Variants in DTWD2 observed in about 807,000 individuals in gnomAD.
DTWD2 encodes tRNA-uridine aminocarboxypropyltransferase 2.
In DTWD2, 39 loss-of-function variants were observed where a neutral mutation model predicts 31.8. The ratio of observed to expected loss-of-function variants is 1.22; its 90% CI spans 0.95 to 1.60. The LOEUF (loss-of-function observed/expected upper bound fraction) is 1.60. Ranked by LOEUF, DTWD2 falls within the 40% of genes most tolerant of loss-of-function variation. The pLI, the probability that DTWD2 is intolerant of heterozygous loss-of-function variation, is 0.00. For missense variants in DTWD2, 515 were observed against 381.5 expected (o/e 1.35, Z -2.92); for synonymous variants, 180 against 142.8 (o/e 1.26, Z -1.86).
intron 2 of DTWD2, among the ~76,000 whole-genome samples, chr5:118,939,731 G>C (rs1754139150): frequency 6.6e-6 from 1 of 152,066 alleles, no homozygotes; most frequent in Non-Finnish European, 1.5e-5. Flanking sequence ...TCCCAGCATA[G>C]CCTCTTTACT....
chr5:118,902,746 T>G (rs913274695), intron 4 of DTWD2, among the ~76,000 whole-genome samples: 1 of 152,140 alleles, frequency 6.6e-6, no homozygotes, highest in South Asian at 2.1e-4. Context: ...GGAACTCATA[T>G]AGCAATTTTT....
chr5:118,915,199 C>T (rs1479661622), intron 4 of DTWD2, among the ~76,000 whole-genome samples: 1 of 151,838 alleles, frequency 6.6e-6, no homozygotes, highest in Non-Finnish European at 1.5e-5. Context: ...CTGGGCAACA[C>T]AGTGAGACTC....
intron 4 of DTWD2, among the ~76,000 whole-genome samples, chr5:118,861,863 G>A (rs1752267519): frequency 6.6e-6 from 1 of 152,216 alleles, no homozygotes; most frequent in South Asian, 2.1e-4. Flanking sequence ...ACTCTGCTGA[G>A]GGAGGTAACA....
chr5:118,936,644 A>T (rs1288518949), intron 3 of DTWD2, among the ~76,000 whole-genome samples: 1 of 150,330 alleles, frequency 6.7e-6, no homozygotes, highest in Non-Finnish European at 1.5e-5. Context: ...ATCTCAATTT[A>T]TTTTTTTTTT....
intron 4 of DTWD2, among the ~76,000 whole-genome samples, chr5:118,898,119 C>A (rs1753121772): frequency 6.6e-6 from 1 of 152,096 alleles, no homozygotes. Flanking sequence ...CCTGCCTTGA[C>A]CTCCCAAAGT....
At chr5:118,959,875 G>A (rs1186744668) in intron 1 of DTWD2, among the ~76,000 whole-genome samples, 1 of 152,244 alleles carries the variant, frequency 6.6e-6, no homozygotes, top group African/African-American at 2.4e-5. Flanking sequence ...ATGGTGCTGG[G>A]ATAAGTAGCT....
At chr5:118,923,610 C>G (rs1461178437) in intron 4 of DTWD2, among the ~76,000 whole-genome samples, 6 of 152,322 alleles carry the variant, frequency 3.9e-5, no homozygotes, top group African/African-American at 1.4e-4. Context: ...AATACATTCT[C>G]TTTGACCTTC....
chr5:118,912,115 G>T (rs546785095), intron 4 of DTWD2, among the ~76,000 whole-genome samples: 60 of 152,306 alleles, frequency 3.9e-4, no homozygotes, highest in East Asian at 1.9e-3. Flanking sequence ...GAGACATAAC[G>T]TAAGCTAGCA....
rs1391506512 is a variant in DTWD2 at position 118,838,389 on chromosome 5, C to T, written c.*2528G>A. On this transcript the variant is annotated 3_prime_UTR_variant, in exon 6 of 6. Transcript: ENST00000510708. ...ACAAATTCATAAAACTTGGAACTTC[C>T]AGGAAAAATCAAGCAAATATAAAGA... 1.6e-5 allele frequency: 2 copies of T among 124,550 alleles called. No individual in the cohort carries two copies. Among genetic ancestry groups the T allele is most frequent in the East Asian group, 1.9e-4 (1 of 5,152 alleles). 7.7% of individuals were successfully genotyped at this position (124,550 alleles called of 1,614,324 possible). A position where few individuals can be genotyped will look rare whatever the true frequency, so the allele number is the denominator to read the frequency against.
intron 2 of DTWD2, among the ~76,000 whole-genome samples, chr5:118,939,813 A>G (rs1419492244): frequency 6.6e-6 from 1 of 152,216 alleles, no homozygotes; most frequent in Non-Finnish European, 1.5e-5. Flanking sequence ...AGCCAATCTT[A>G]AAGAGCTCCC....
At chr5:118,960,883 T>C (rs917083467) in intron 1 of DTWD2, among the ~76,000 whole-genome samples, 3 of 151,942 alleles carry the variant, frequency 2.0e-5, no homozygotes, top group Non-Finnish European at 2.9e-5. Flanking sequence ...TGAGTACACA[T>C]GGATGCCAAG....
At chr5:118,974,838 G>T (rs1303907669) in intron 1 of DTWD2, among the ~76,000 whole-genome samples, 3 of 152,070 alleles carry the variant, frequency 2.0e-5, no homozygotes, top group Non-Finnish European at 4.4e-5. Flanking sequence ...ATTTAAGAAT[G>T]TTGAATATTG....
chr5:118,979,076 G>C (rs771592040), intron 1 of DTWD2, among the ~76,000 whole-genome samples: 2 of 152,050 alleles, frequency 1.3e-5, no homozygotes, highest in Non-Finnish European at 2.9e-5. Flanking sequence ...AGGCCAAGGC[G>C]GGTGGATCAC....
At chr5:118,950,226 A>AG (rs1203298169) in intron 1 of DTWD2, among the ~76,000 whole-genome samples, 2 of 151,256 alleles carry the variant, frequency 1.3e-5, no homozygotes, top group African/African-American at 4.9e-5. Context: ...AAAAAAAAAA[A>AG]AAAAAAAAAA....
chr5:118,838,048 A>C lies in DTWD2; in HGVS notation c.*2869T>G, dbSNP rs1194191956. 6.6e-6 allele frequency: 1 copy of C among 152,192 alleles called. No individual in the cohort carries two copies. The highest frequency in any genetic ancestry group is 6.5e-5 in the Admixed American group (1 of 15,274). The allele number at this position is 152,192 out of a possible 1,614,324, so 9.4% of individuals were successfully genotyped here. A position where few individuals can be genotyped will look rare whatever the true frequency, so the allele number is the denominator to read the frequency against. ...CTGGAGTCTTCAAGTTAGAGAAAAT[A>C]ATTTTTTCCCAATATAATTCTCCTA... is the stretch of plus-strand genomic sequence containing the variant. On this transcript the variant is annotated 3_prime_UTR_variant, in exon 6 of 6. Transcript: ENST00000510708.
At position 118,879,331 on chromosome 5, in the gene DTWD2, C is replaced by G. The variant is rs561991052; in HGVS notation, c.598-31113G>C. Among the ~76,000 whole-genome samples the G allele has an allele frequency of 5.9e-5, 9 of 152,236 alleles. No homozygotes were observed. In the East Asian group the frequency reaches 1.7e-3, roughly 29 times the overall value. ...CATTAAAAAGAACAAGATGGGCCAA[C>G]TGCGGTGGCTCATGCCTGTAATATC... is the stretch of plus-strand genomic sequence containing the variant. On this transcript the variant is annotated intron_variant, in intron 4 of 5. Coordinates refer to ENST00000510708, the MANE Select transcript of DTWD2 (RefSeq NM_173666.4).
chr5:118,917,083 T>C (rs1295944357), intron 4 of DTWD2, among the ~76,000 whole-genome samples: 1 of 152,240 alleles, frequency 6.6e-6, no homozygotes, highest in African/African-American at 2.4e-5. Flanking sequence ...CCTAGTTTTA[T>C]TGCATTATTT....
intron 3 of DTWD2, among the ~76,000 whole-genome samples, chr5:118,932,763 A>G (rs1421035192): frequency 6.6e-6 from 1 of 152,222 alleles, no homozygotes; most frequent in Non-Finnish European, 1.5e-5. Flanking sequence ...AGGCCTCAGG[A>G]GAAACCAAAT....
intron 1 of DTWD2, among the ~76,000 whole-genome samples, chr5:118,985,311 G>C (rs1192589017): frequency 1.3e-5 from 2 of 151,622 alleles, no homozygotes; most frequent in African/African-American, 4.8e-5. Flanking sequence ...ATGTCCTTCA[G>C]TCTCAGCTTA....
Sources: allele counts gnomAD v4.1 joint callset (sites outside exome capture counted in the v4.1 genomes callset), GRCh38; gene constraint gnomAD v4.1.1; transcripts MANE v1.5; gene names NCBI Gene and HGNC (gene_info 2026-07-23, HGNC 2026-07-21).